Variants in MYO16 observed in about 807,000 individuals in gnomAD.
MYO16 encodes the protein unconventional myosin-XVI.
In MYO16, 94 loss-of-function variants were observed where a neutral mutation model predicts 205.3. That is an observed-to-expected ratio of 0.46 (90% CI 0.39 to 0.54). MYO16 has a LOEUF of 0.54. Ranked by LOEUF, MYO16 falls within the 20% of genes least tolerant of loss-of-function variation. The pLI is 0.00. For missense variants in MYO16, 2,315 were observed against 2,387.5 expected (o/e 0.97, Z 0.63); for synonymous variants, 988 against 954.0 (o/e 1.04, Z -0.66).
At chr13:108,963,675 G>A (rs909345545) in intron 19 of MYO16, among the ~76,000 whole-genome samples, 15 of 152,198 alleles carry the variant, frequency 9.9e-5, no homozygotes, top group African/African-American at 3.4e-4. Flanking sequence ...TGGCTTAGGA[G>A]GCCCCACTGG....
intron 1 of MYO16, among the ~76,000 whole-genome samples, chr13:108,623,459 G>C (rs964009): frequency 0.87 from 131,656 of 152,160 alleles, 57,554 homozygotes; most frequent in Non-Finnish European, 0.93. Context: ...CAAACTTGCA[G>C]CCAGATCTCC....
intron 21 of MYO16, among the ~76,000 whole-genome samples, chr13:108,995,415 G>T (rs1011017376): frequency 3.3e-5 from 5 of 152,084 alleles, no homozygotes; most frequent in Middle Eastern, 3.2e-3. Flanking sequence ...CAGAATTAAC[G>T]AATCATTTCT....
intron 21 of MYO16, among the ~76,000 whole-genome samples, chr13:109,007,573 TG>T (rs1302845105): frequency 7.1e-6 from 1 of 141,504 alleles, no homozygotes; most frequent in Non-Finnish European, 1.6e-5. Context: ...TGTGTGTGTG[TG>T]TGTGTGTGTG....
intron 21 of MYO16, among the ~76,000 whole-genome samples, chr13:108,995,028 A>G (rs1884959302): frequency 6.6e-6 from 1 of 152,218 alleles, no homozygotes; most frequent in African/African-American, 2.4e-5. Context: ...ATGAGATACT[A>G]CAGCTAATAG....
chr13:109,076,921 C>A lies in MYO16; in HGVS notation c.3335+21326C>A, dbSNP rs75838332. 6.2e-4 allele frequency among the ~76,000 whole-genome samples: 95 copies of A among 152,202 alleles called. 2 individuals carry two copies. In the East Asian group the frequency reaches 0.015, roughly 24 times the overall value. ...TTTTAACAAACTCATAGGCTTGCCT[C>A]CAAGCTGCAGTGGCTGGATCTTATA... On this transcript the variant is annotated intron_variant, in intron 27 of 34. Coordinates refer to ENST00000457511, the MANE Select transcript of MYO16 (RefSeq NM_001198950.3).
intron 6 of MYO16, among the ~76,000 whole-genome samples, chr13:108,798,384 G>A (rs1333588997): frequency 1.3e-5 from 2 of 152,066 alleles, no homozygotes; most frequent in African/African-American, 4.8e-5. Context: ...CTAATAAGAC[G>A]GGTTTGGAGT....
intron 6 of MYO16, among the ~76,000 whole-genome samples, chr13:108,794,303 C>T (rs1338699850): frequency 6.6e-6 from 1 of 152,166 alleles, no homozygotes; most frequent in East Asian, 1.9e-4. Context: ...ACAACATACA[C>T]CTGCATCCCA....
At chr13:108,693,770 T>A (rs1332371364) in intron 2 of MYO16, among the ~76,000 whole-genome samples, 1 of 152,206 alleles carries the variant, frequency 6.6e-6, no homozygotes, top group East Asian at 1.9e-4. Context: ...GGTGAACTCA[T>A]GTCATGGGAG....
intron 2 of MYO16, among the ~76,000 whole-genome samples, chr13:108,684,126 G>A (rs565373341): frequency 3.9e-5 from 6 of 152,252 alleles, no homozygotes; most frequent in East Asian, 3.9e-4. Context: ...CGCCCGCCTC[G>A]GCCTCCCGAA....
At chr13:109,200,683 C>CTTT in intron 34 of MYO16, among the ~76,000 whole-genome samples, 1 of 134,772 alleles carries the variant, frequency 7.4e-6, no homozygotes, top group South Asian at 2.4e-4. Context: ...GGATCTGGGA[C>CTTT]TTTTTTTTTT....
At chr13:108,713,914 T>A (rs1883821556) in intron 3 of MYO16, among the ~76,000 whole-genome samples, 1 of 152,232 alleles carries the variant, frequency 6.6e-6, no homozygotes, top group Non-Finnish European at 1.5e-5. Context: ...TTCCATGATA[T>A]TTTCAAGGAG....
chr13:109,014,776 G>T (rs972721575), intron 22 of MYO16, among the ~76,000 whole-genome samples: 5 of 152,056 alleles, frequency 3.3e-5, no homozygotes, highest in Non-Finnish European at 7.4e-5. Flanking sequence ...TTTGTTATTG[G>T]TGTATAAGAA....
chr13:109,178,240 T>A (rs1879301662), intron 33 of MYO16, among the ~76,000 whole-genome samples: 1 of 152,142 alleles, frequency 6.6e-6, no homozygotes, highest in Non-Finnish European at 1.5e-5. Flanking sequence ...ACGTAGCACC[T>A]GAGGCTACTG....
chr13:108,945,021 G>A (rs555923743), intron 16 of MYO16, among the ~76,000 whole-genome samples: 11 of 152,274 alleles, frequency 7.2e-5, no homozygotes, highest in South Asian at 2.1e-4. Context: ...CCCAGTATGC[G>A]TGCTTGTCTC....
chr13:108,891,997 AT>A (rs1880198115), intron 14 of MYO16, among the ~76,000 whole-genome samples: 1 of 152,086 alleles, frequency 6.6e-6, no homozygotes, highest in Admixed American at 6.6e-5. Context: ...AGAATAACTG[AT>A]TTTTAATTAA....
chr13:108,952,851 A>G (rs1883208474), intron 16 of MYO16, among the ~76,000 whole-genome samples: 1 of 152,224 alleles, frequency 6.6e-6, no homozygotes, highest in Non-Finnish European at 1.5e-5. Context: ...GAAGAATAAT[A>G]TAGAAGATAC....
chr13:108,645,781 C>T (rs909367259), intron 1 of MYO16, among the ~76,000 whole-genome samples: 4 of 152,194 alleles, frequency 2.6e-5, no homozygotes, highest in African/African-American at 4.8e-5. Flanking sequence ...CCAACACTGC[C>T]TATCCCACCT....
intron 32 of MYO16, among the ~76,000 whole-genome samples, chr13:109,149,816 T>C (rs994449521): frequency 6.6e-6 from 1 of 152,222 alleles, no homozygotes; most frequent in Admixed American, 6.5e-5. Flanking sequence ...GCACACGTGA[T>C]AGACTAGGAT....
At chr13:108,498,018 T>C in the MYO16 span, among the ~76,000 whole-genome samples, 1 of 152,248 alleles carries the variant, frequency 6.6e-6, no homozygotes, top group Non-Finnish European at 1.5e-5. Context: ...TGTATATGTG[T>C]GTATCTCTAT....
Sources: allele counts gnomAD v4.1 joint callset (sites outside exome capture counted in the v4.1 genomes callset), GRCh38; gene constraint gnomAD v4.1.1; transcripts MANE v1.5; gene names NCBI Gene and HGNC (gene_info 2026-07-23, HGNC 2026-07-21).